The following SOX6 variants were observed in gnomAD, a reference collection of about 807,000 sequenced individuals.
SOX6 encodes transcription factor SOX-6.
Under a neutral mutation model 97.8 loss-of-function variants are expected in SOX6, and 11 were observed. The ratio of observed to expected loss-of-function variants is 0.11; its 90% CI spans 0.07 to 0.19. SOX6 has a LOEUF of 0.19. Ranked by LOEUF, SOX6 falls within the 10% of genes least tolerant of loss-of-function variation. SOX6 has a pLI of 1.00. For missense variants in SOX6, 810 were observed against 1,039.5 expected, an observed-to-expected ratio of 0.78 and a Z score of 3.04; for synonymous variants, 360 against 371.4, an observed-to-expected ratio of 0.97 and a Z score of 0.35.
chr11:16,059,338 A>G (rs1394986937), intron 9 of SOX6, among the ~76,000 whole-genome samples: 3 of 152,160 alleles, frequency 2.0e-5, no homozygotes, highest in South Asian at 4.1e-4. Context: ...TCTTATAATC[A>G]AAGTTAAGCC....
At chr11:16,651,745 T>C (rs1037963513) in intron 3 of SOX6, among the ~76,000 whole-genome samples, 1 of 152,090 alleles carries the variant, frequency 6.6e-6, no homozygotes, top group African/African-American at 2.4e-5. Flanking sequence ...ACCACTTCGA[T>C]TCAACATAGT....
chr11:16,343,443 T>A (rs569250835), intron 1 of SOX6, among the ~76,000 whole-genome samples: 1 of 151,884 alleles, frequency 6.6e-6, no homozygotes, highest in Non-Finnish European at 1.5e-5. Context: ...AAATTAATCA[T>A]GACAAAACTC....
At chr11:16,625,338 T>A (rs889526114) in intron 3 of SOX6, among the ~76,000 whole-genome samples, 27 of 152,174 alleles carry the variant, frequency 1.8e-4, no homozygotes, top group African/African-American at 6.5e-4. Context: ...TATAGTGTGA[T>A]GTACGAGTGT....
intron 13 of SOX6, among the ~76,000 whole-genome samples, chr11:16,013,415 G>C (rs887966993): frequency 3.3e-5 from 5 of 151,996 alleles, no homozygotes. Flanking sequence ...AACTGTGCAA[G>C]TAACATCATT....
At chr11:16,207,918 A>G (rs1016057843) in intron 4 of SOX6, among the ~76,000 whole-genome samples, 3 of 152,162 alleles carry the variant, frequency 2.0e-5, no homozygotes, top group African/African-American at 7.2e-5. Context: ...TATTCTTTAT[A>G]TACTTCTATA....
chr11:16,197,398 A>G (rs1851812435), intron 4 of SOX6, among the ~76,000 whole-genome samples: 1 of 152,200 alleles, frequency 6.6e-6, no homozygotes, highest in East Asian at 1.9e-4. Context: ...ATGTTTTTAT[A>G]TAATCATAGA....
chr11:16,495,874 G>C (rs1860587024), intron 4 of SOX6, among the ~76,000 whole-genome samples: 1 of 152,108 alleles, frequency 6.6e-6, no homozygotes. Flanking sequence ...TGGGGAACAA[G>C]GACTGGCCCA....
In SOX6 at chr11:16,028,322, T is replaced by C. The variant is rs367770570; in HGVS notation, c.1624-13272A>G. On this transcript the variant is annotated intron_variant, in intron 12 of 15. Coordinates refer to ENST00000683767, the MANE Select transcript of SOX6 (RefSeq NM_001367873.1). ...ATTTGTAAAAGGCTGCACAACTTGT[T>C]TGAAGATTACATAAGCATATGCATA... Among the ~76,000 whole-genome samples the C allele has an allele frequency of 1.3e-3, 204 of 152,354 alleles. No homozygotes were observed. The South Asian group carries it at 0.016, about 12-fold the overall frequency.
intron 3 of SOX6, among the ~76,000 whole-genome samples, chr11:16,292,871 C>T (rs975257099): frequency 6.6e-6 from 1 of 152,110 alleles, no homozygotes; most frequent in Non-Finnish European, 1.5e-5. Context: ...GTTTAACGCT[C>T]GGTGCTTAGT....
At chr11:16,561,343 T>C (rs1847812818) in intron 4 of SOX6, among the ~76,000 whole-genome samples, 1 of 152,050 alleles carries the variant, frequency 6.6e-6, no homozygotes, top group African/African-American at 2.4e-5. Context: ...GCTATACTGC[T>C]TCACCTACTG....
intron 3 of SOX6, among the ~76,000 whole-genome samples, chr11:16,654,743 A>G (rs1045838823): frequency 3.9e-5 from 6 of 152,206 alleles, no homozygotes; most frequent in African/African-American, 1.4e-4. Flanking sequence ...TCTAGCATCT[A>G]TTATCATTGC....
chr11:16,132,462 A>AAG (rs1352247287), intron 6 of SOX6, among the ~76,000 whole-genome samples: 1 of 140,970 alleles, frequency 7.1e-6, no homozygotes, highest in African/African-American at 2.6e-5. Flanking sequence ...GAAAGAAAGA[A>AAG]AGAAAGAAAG....
rs1275401640 is a variant in SOX6 at position 16,055,811 on chromosome 11, C to T, written c.1192G>A (p.Val398Ile). 4 of 1,613,782 alleles carry T rather than the reference C, an allele frequency of 2.5e-6. No homozygotes were observed. In the East Asian group the frequency reaches 8.9e-5, roughly 36 times the overall value. The change falls in exon 10 of 16, where the codon GTC becomes ATC. Residue 398 changes from valine (V) to isoleucine (I), a missense_variant. Physicochemically the swap from Val to Ile is conservative, Grantham distance 29 (BLOSUM62 3). Around this residue, in one of 9 missense-constraint regions of SOX6, gnomAD observed 244 missense variants for 261.0 expected, o/e 0.93. Coordinates refer to ENST00000683767, the MANE Select transcript of SOX6 (RefSeq NM_001367873.1). ...TCATTTTTTATCCCAGTAGGTGAGA[C>T]CGTCCCTGCTGTGTTTGGTGGCTGT... The part of the protein sequence containing the change: ...TPQPPNTAGT[V>I]SPTGIKNEKR...
chr11:16,508,133 A>G (rs1284491493), intron 4 of SOX6, among the ~76,000 whole-genome samples: 2 of 152,210 alleles, frequency 1.3e-5, no homozygotes, highest in Non-Finnish European at 2.9e-5. Context: ...CAGCCAACAG[A>G]CATGAAAAAA....
At chr11:16,680,183 G>A (rs1163107003) in intron 3 of SOX6, among the ~76,000 whole-genome samples, 3 of 152,104 alleles carry the variant, frequency 2.0e-5, no homozygotes, top group African/African-American at 4.8e-5. Flanking sequence ...TGAAATGAAG[G>A]AAAAAATGTT....
intron 3 of SOX6, among the ~76,000 whole-genome samples, chr11:16,711,642 T>C (rs1239365061): frequency 3.9e-5 from 6 of 152,232 alleles, no homozygotes. Context: ...CCTCAACTTA[T>C]GCCAGTCTCC....
At chr11:16,590,159 GAC>G (rs1190219496) in intron 4 of SOX6, among the ~76,000 whole-genome samples, 1 of 152,154 alleles carries the variant, frequency 6.6e-6, no homozygotes, top group African/African-American at 2.4e-5. Context: ...AATGTTGAAA[GAC>G]ACATAGAAAA....
chr11:16,212,920 T>C (rs1407472791), intron 4 of SOX6, among the ~76,000 whole-genome samples: 1 of 152,194 alleles, frequency 6.6e-6, no homozygotes, highest in Non-Finnish European at 1.5e-5. Flanking sequence ...GGTCTGTCTG[T>C]TCAAGTATCT....
At chr11:16,240,386 A>G (rs1185396948) in intron 3 of SOX6, among the ~76,000 whole-genome samples, 1 of 151,730 alleles carries the variant, frequency 6.6e-6, no homozygotes, top group East Asian at 1.9e-4. Context: ...ATAAGGAAGA[A>G]AAAGCTCCAT....
Sources: gnomAD v4.1 joint callset for allele counts (sites outside exome capture counted in the v4.1 genomes callset) on GRCh38, gnomAD v4.1.1 for gene constraint, gnomAD v4.1.1 regional missense constraint, MANE v1.5 for transcripts, NCBI Gene and HGNC (gene_info 2026-07-23, HGNC 2026-07-21) for gene names.